ZNF362: variants seen among roughly 807,000 people sequenced by gnomAD.
ZNF362 encodes the protein zinc finger protein 362, also known as rotund homolog.
A neutral mutation model predicts 42.9 loss-of-function variants in ZNF362; 11 were observed. The observed-to-expected ratio is 0.26, with a 90% CI of 0.16 to 0.42. ZNF362 has a LOEUF of 0.42. ZNF362 is among the 20% of genes least tolerant of loss of function. ZNF362 has a pLI of 1.00. For synonymous variants in ZNF362, 255 were observed against 257.3 expected, an observed-to-expected ratio of 0.99 and a Z score of 0.09; for missense variants, 362 against 576.2, an observed-to-expected ratio of 0.63 and a Z score of 3.81.
the ZNF362 span, chr1:33,159,947 G>A: frequency 6.2e-7 from 1 of 1,600,816 alleles, no homozygotes; most frequent in South Asian, 1.1e-5. The surrounding 1 kb of genome is among the most constrained non-coding windows in gnomAD (Gnocchi z 4.2). Flanking sequence ...GTGGAAGACT[G>A]TGGGGGACAG....
chr1:33,188,348 G>T, the ZNF362 span, among the ~76,000 whole-genome samples: 1 of 152,186 alleles, frequency 6.6e-6, no homozygotes, highest in Non-Finnish European at 1.5e-5. Flanking sequence ...ATGCAGCCCT[G>T]GTTGGTATGG....
chr1:33,277,125 G>A (rs190434401), intron 4 of ZNF362, among the ~76,000 whole-genome samples: 21 of 152,348 alleles, frequency 1.4e-4, no homozygotes, highest in African/African-American at 4.1e-4. Context: ...CCAGTCGAGC[G>A]CCTGTGTCTG....
chr1:33,153,475 G>GTGGGTAC, the ZNF362 span, among the ~76,000 whole-genome samples: 1 of 152,226 alleles, frequency 6.6e-6, no homozygotes, highest in Non-Finnish European at 1.5e-5. Flanking sequence ...ACTGAGTGGG[G>GTGGGTAC]TGGCTACTGG....
chr1:33,150,583 G>C, the ZNF362 span, among the ~76,000 whole-genome samples: 1 of 152,210 alleles, frequency 6.6e-6, no homozygotes, highest in Non-Finnish European at 1.5e-5. Context: ...TCTGTCCAGG[G>C]ACATAGAAGA....
At chr1:33,165,492 C>T in the ZNF362 span, 3 of 1,608,140 alleles carry the variant, frequency 1.9e-6, no homozygotes, top group Non-Finnish European at 2.5e-6. The surrounding 1 kb of genome is among the most constrained non-coding windows in gnomAD (Gnocchi z 4.0). Flanking sequence ...CCAGTTGTCG[C>T]TTGAGCAGCT....
At chr1:33,165,116 G>T in the ZNF362 span, 1 of 189,134 alleles carries the variant, frequency 5.3e-6, no homozygotes, top group Non-Finnish European at 1.1e-5. This position sits in a 1 kb window ranked among gnomAD's most constrained non-coding sequence, Gnocchi z 4.0. Context: ...AAGGGGAGAG[G>T]AGAAAGAGAC....
the ZNF362 span, among the ~76,000 whole-genome samples, chr1:33,227,538 C>G: frequency 6.6e-6 from 1 of 152,172 alleles, no homozygotes; most frequent in East Asian, 1.9e-4. Context: ...AGTGAAGGAA[C>G]CCCCAGATGA....
At chr1:33,158,047 G>C in the ZNF362 span, among the ~76,000 whole-genome samples, 2 of 152,272 alleles carry the variant, frequency 1.3e-5, no homozygotes, top group African/African-American at 4.8e-5. Context: ...GAGCCACCAC[G>C]CCCAGCCATC....
At chr1:33,170,462 G>T in the ZNF362 span, among the ~76,000 whole-genome samples, 1 of 152,060 alleles carries the variant, frequency 6.6e-6, no homozygotes, top group African/African-American at 2.4e-5. Context: ...GGAAAGGGGA[G>T]ATTTTCACAA....
At chr1:33,256,933 C>CGT (rs921376097) in intron 1 of ZNF362, among the ~76,000 whole-genome samples, 3 of 150,840 alleles carry the variant, frequency 2.0e-5, no homozygotes, top group Admixed American at 6.6e-5. Flanking sequence ...TGTGCGCGCG[C>CGT]GTGTGTGTGT....
At chr1:33,178,175 C>T in the ZNF362 span, among the ~76,000 whole-genome samples, 2 of 152,206 alleles carry the variant, frequency 1.3e-5, no homozygotes, top group African/African-American at 4.8e-5. Flanking sequence ...CCTGTTTCCC[C>T]ATCTGTCAAG....
At chr1:33,254,609 C>T (rs1304457380), upstream of ZNF362, among the ~76,000 whole-genome samples, 1 of 152,204 alleles carries the variant, frequency 6.6e-6, no homozygotes, top group Non-Finnish European at 1.5e-5. Context: ...GGTAAAGTGT[C>T]ATTTTCATCA....
the ZNF362 span, chr1:33,147,307 T>A: frequency 6.2e-7 from 1 of 1,614,118 alleles, no homozygotes; most frequent in Non-Finnish European, 8.5e-7. The surrounding 1 kb of genome is among the most constrained non-coding windows in gnomAD (Gnocchi z 8.1). Context: ...GGACATGTCA[T>A]CAGCATTGTA....
At chr1:33,194,007 G>GTT in the ZNF362 span, among the ~76,000 whole-genome samples, 2 of 152,112 alleles carry the variant, frequency 1.3e-5, no homozygotes, top group African/African-American at 4.8e-5. Flanking sequence ...ATGTAAGTAT[G>GTT]TTTAAATGAG....
the ZNF362 span, among the ~76,000 whole-genome samples, chr1:33,148,541 G>A: frequency 1.3e-5 from 2 of 152,116 alleles, no homozygotes; most frequent in Non-Finnish European, 2.9e-5. Context: ...TACCTATGAC[G>A]AGAGGACCTG....
intron 1 of ZNF362, among the ~76,000 whole-genome samples, chr1:33,259,055 A>C (rs1645812703): frequency 6.6e-6 from 1 of 152,150 alleles, no homozygotes; most frequent in African/African-American, 2.4e-5. Context: ...CACCCCACCC[A>C]AAGAATGTCA....
At chr1:33,151,695 G>A in the ZNF362 span, among the ~76,000 whole-genome samples, 2 of 152,180 alleles carry the variant, frequency 1.3e-5, no homozygotes, top group African/African-American at 4.8e-5. Context: ...AGACACTGAG[G>A]CAGCCCGTCT....
chr1:33,242,016 T>TGGAAGAG, the ZNF362 span, among the ~76,000 whole-genome samples: 20 of 151,994 alleles, frequency 1.3e-4, no homozygotes, highest in Non-Finnish European at 2.9e-4. Flanking sequence ...TGTGGGTGAA[T>TGGAAGAG]GGAAGAGGAT....
At position 33,274,905 on chromosome 1, in the gene ZNF362, A is replaced by G. The variant is rs545858019; in HGVS notation, c.39-1195A>G. 1.1e-5 allele frequency: 11 copies of G among 960,420 alleles called. No individual in the cohort carries two copies. The South Asian group carries it at 2.4e-4, about 21-fold the overall frequency. The allele number at this position is 960,420 out of a possible 1,614,324, so 59.5% of individuals were successfully genotyped here. A position where few individuals can be genotyped will look rare whatever the true frequency, so the allele number is the denominator to read the frequency against. On this transcript the variant is annotated intron_variant, in intron 2 of 8. Transcript: ENST00000539719. The stretch of plus-strand genomic sequence containing the variant: ...TACTTTCAAGTAAAGATCACAAGAG[A>G]TAATTCATCTAAAATTTCTTTCTTA...
Sources: gnomAD v4.1 joint callset for allele counts (sites outside exome capture counted in the v4.1 genomes callset) on GRCh38, gnomAD v4.1.1 for gene constraint, Gnocchi (gnomAD v3.1) non-coding constraint, MANE v1.5 for transcripts, NCBI Gene and HGNC (gene_info 2026-07-23, HGNC 2026-07-21) for gene names.